MED15: variants seen among roughly 807,000 people sequenced by gnomAD.
MED15 encodes mediator complex subunit 15.
In MED15, 41 loss-of-function variants were observed where a neutral mutation model predicts 118.7. That is an observed-to-expected ratio of 0.35 (90% CI 0.27 to 0.45). The LOEUF is 0.45. Ranked by LOEUF, MED15 falls within the 20% of genes least tolerant of loss-of-function variation. The probability of loss-of-function intolerance (pLI) is 1.00; values close to 1 mark genes in which losing one functional copy is unlikely to be tolerated. For synonymous variants in MED15, 436 were observed against 413.9 expected (o/e 1.05, Z -0.65); for missense variants, 740 against 1,025.5 (o/e 0.72, Z 3.80).
At chr22:20,522,553 C>T (rs560417441) in intron 1 of MED15, among the ~76,000 whole-genome samples, 4 of 152,216 alleles carry the variant, frequency 2.6e-5, no homozygotes, top group Admixed American at 1.3e-4. Flanking sequence ...GCTCGTATTC[C>T]GTGTGCATGC....
At chr22:20,522,544 C>T (rs2054499462) in intron 1 of MED15, among the ~76,000 whole-genome samples, 1 of 152,158 alleles carries the variant, frequency 6.6e-6, no homozygotes, top group Non-Finnish European at 1.5e-5. Context: ...TGTGTGAATG[C>T]TCGTATTCCG....
chr22:20,536,433 G>A (rs1431103320), intron 1 of MED15, among the ~76,000 whole-genome samples: 3 of 152,176 alleles, frequency 2.0e-5, no homozygotes, highest in Non-Finnish European at 2.9e-5. Flanking sequence ...CTTTATCCCC[G>A]TGGAGCAGCA....
At position 20,554,987 on chromosome 22, in the gene MED15, C is replaced by T. The variant is rs758636396; in HGVS notation, c.290C>T (p.Ala97Val). 5.0e-6 allele frequency: 8 copies of T among 1,611,566 alleles called. No individual in the cohort carries two copies. Among genetic ancestry groups the T allele is most frequent in the African/African-American group, 1.3e-5 (1 of 75,024 alleles). ...SLTGGPAAGA[A>V]GIGMPPRGPG... is the part of the protein sequence containing the mutation. Reference sequence around the variant, plus strand: ...ACTGGCGGACCTGCTGCGGGAGCCGCTGGAATTGGCATGCCTCCTCGGGGC... The same window carrying T: ...ACTGGCGGACCTGCTGCGGGAGCCGTTGGAATTGGCATGCCTCCTCGGGGC... Residue 97 changes from alanine (A) to valine (V), a missense_variant, in exon 5 of 18, where the codon GCT (alanine) becomes GTT (valine). This residue lies in a region of MED15 where 117 missense variants were observed against 124.6 expected (regional missense o/e 0.94). Coordinates refer to ENST00000263205, the MANE Select transcript of MED15 (RefSeq NM_001003891.3).
chr22:20,583,307 G>C (rs1161149679), intron 12 of MED15, 23 bp from the exon 13 acceptor site: 2 of 1,613,606 alleles, frequency 1.2e-6, no homozygotes, highest in Middle Eastern at 1.7e-4. Flanking sequence ...TTGTGTCTTA[G>C]TGTGTACCCT....
intron 1 of MED15, among the ~76,000 whole-genome samples, chr22:20,511,714 A>T (rs754269548): frequency 6.6e-6 from 1 of 151,408 alleles, no homozygotes; most frequent in East Asian, 2.0e-4. Flanking sequence ...TTAGCCCTCC[A>T]CTGCCTCCAC....
chr22:20,523,008 C>T (rs1019694309), intron 1 of MED15: 1 of 152,158 alleles, frequency 6.6e-6, no homozygotes, highest in Non-Finnish European at 1.5e-5. Flanking sequence ...CGTTCCATTC[C>T]GGATAACATT....
rs634622 is a variant in MED15 at position 20,554,445 on chromosome 22, A to C, written c.239-491A>C. 6.1e-3 allele frequency: 935 copies of C among 153,530 alleles called. 10 individuals are homozygous for C. The highest frequency in any genetic ancestry group is 0.021 in the African/African-American group (889 of 41,608). 9.5% of individuals were successfully genotyped at this position (153,530 alleles called of 1,614,324 possible). A position where few individuals can be genotyped will look rare whatever the true frequency, so the allele number is the denominator to read the frequency against. ...GTTCTGGCATGGTGGCCCTGCACACAGGGGCCCAGGCTGAGTTGGACTCTG... is the reference window on the plus strand; with the variant it reads ...GTTCTGGCATGGTGGCCCTGCACACCGGGGCCCAGGCTGAGTTGGACTCTG... On this transcript the variant is annotated intron_variant, in intron 4 of 17. Transcript: ENST00000263205.
chr22:20,580,884 C>T (rs777421065), intron 9 of MED15, among the ~76,000 whole-genome samples: 23 of 152,306 alleles, frequency 1.5e-4, no homozygotes, highest in Admixed American at 8.5e-4. Flanking sequence ...CTAACCTTTG[C>T]GAGAATCACC....
intron 2 of MED15, 23 bp from the exon 3 acceptor site, chr22:20,551,413 C>T (rs2055772383): frequency 6.2e-7 from 1 of 1,612,212 alleles, no homozygotes; most frequent in South Asian, 1.1e-5. Context: ...TGGTATTAAA[C>T]TGCTTCCTGT....
chr22:20,549,728 C>G (rs1405575717), intron 2 of MED15, among the ~76,000 whole-genome samples: 2 of 152,176 alleles, frequency 1.3e-5, no homozygotes, highest in Non-Finnish European at 2.9e-5. Context: ...TCCCCGCTCC[C>G]CACTAAGCCT....
rs1028238542 is a variant in MED15, at chr22:20,516,308, C to T, written c.68+8562C>T. On this transcript the variant is annotated intron_variant, in intron 1 of 17. Transcript: ENST00000263205. ...AGCCTGGGCAACAAGAGCGAAACTCCGTCTCAATAAATAATAATAATAATA... is the reference window on the plus strand; with the variant it reads ...AGCCTGGGCAACAAGAGCGAAACTCTGTCTCAATAAATAATAATAATAATA... 5.3e-5 allele frequency among the ~76,000 whole-genome samples: 8 copies of T among 151,554 alleles called. No individual in the cohort carries two copies. In the South Asian group the frequency reaches 1.0e-3, roughly 20 times the overall value.
At chr22:20,568,771 A>G in intron 8 of MED15, 140 bp downstream of exon 8, 2 of 1,375,172 alleles carry the variant, frequency 1.5e-6, no homozygotes, top group Non-Finnish European at 1.9e-6. Context: ...TCCCCCTTGC[A>G]CTCTGCAAGA....
intron 17 of MED15, 112 bp from the exon 18 acceptor site, chr22:20,586,456 C>G: frequency 6.7e-7 from 1 of 1,496,080 alleles, no homozygotes. Context: ...CACATCACCT[C>G]CTGGTGCTTC....
rs373691171 is a variant in MED15, at chr22:20,557,591, C to T, written c.451+2443C>T. Among the ~76,000 whole-genome samples the T allele has an allele frequency of 6.3e-4, 96 of 152,110 alleles. 4 individuals carry two copies. Among genetic ancestry groups the T allele is most frequent in the African/African-American group, 2.3e-3 (94 of 41,496 alleles). On this transcript the variant is annotated intron_variant, in intron 5 of 17. Coordinates refer to ENST00000263205, the MANE Select transcript of MED15 (RefSeq NM_001003891.3). ...GGTGCATTTTTTTTTTAATCATGAG[C>T]TTATACTTGATAATAAATTGTTTTT...
chr22:20,547,291 ATTTCT>A (rs1420653260), intron 2 of MED15, among the ~76,000 whole-genome samples: 1 of 152,126 alleles, frequency 6.6e-6, no homozygotes, highest in African/African-American at 2.4e-5. Flanking sequence ...CTCTCAAAAG[ATTTCT>A]TTTCTCTATA....
At chr22:20,519,710 C>T (rs1287159450) in intron 1 of MED15, among the ~76,000 whole-genome samples, 1 of 152,194 alleles carries the variant, frequency 6.6e-6, no homozygotes, top group Non-Finnish European at 1.5e-5. Context: ...CTGCCGCATC[C>T]TCCCACAGTG....
chr22:20,549,644 G>T (rs1449319794), intron 2 of MED15, among the ~76,000 whole-genome samples: 1 of 152,102 alleles, frequency 6.6e-6, no homozygotes, highest in Non-Finnish European at 1.5e-5. Flanking sequence ...AAGTATCATC[G>T]CCCACAAGAA....
chr22:20,532,354 A>G (rs2054893740), intron 1 of MED15, among the ~76,000 whole-genome samples: 1 of 152,186 alleles, frequency 6.6e-6, no homozygotes, highest in African/African-American at 2.4e-5. Flanking sequence ...CTGCTCAGGC[A>G]GGGTCGGGCA....
intron 16 of MED15, 185 bp downstream of exon 16, chr22:20,585,452 C>T (rs1052948284): frequency 3.7e-6 from 3 of 814,012 alleles, no homozygotes; most frequent in African/African-American, 1.7e-5. Context: ...TCAGTCCCCA[C>T]TGCCAGAGCC....
Sources: gnomAD v4.1 joint callset for allele counts (sites outside exome capture counted in the v4.1 genomes callset) on GRCh38, gnomAD v4.1.1 for gene constraint, gnomAD v4.1.1 regional missense constraint, MANE v1.5 for transcripts, NCBI Gene and HGNC (gene_info 2026-07-23, HGNC 2026-07-21) for gene names.